KDM2B: variants seen among roughly 807,000 people sequenced by gnomAD.
The protein encoded by KDM2B is lysine-specific demethylase 2B.
A neutral mutation model predicts 150.0 loss-of-function variants in KDM2B; 26 were observed. The ratio of observed to expected loss-of-function variants is 0.17; its 90% confidence interval spans 0.13 to 0.24. The LOEUF is 0.24. KDM2B is among the 10% of genes least tolerant of loss of function. KDM2B has a pLI of 1.00. For missense variants in KDM2B, 1,265 were observed against 1,816.9 expected, an observed-to-expected ratio of 0.70 and a Z score of 5.52; for synonymous variants, 734 against 729.5, an observed-to-expected ratio of 1.01 and a Z score of -0.10.
At chr12:121,416,988 C>G in the KDM2B span, among the ~76,000 whole-genome samples, 60 of 152,334 alleles carry the variant, frequency 3.9e-4, no homozygotes, top group African/African-American at 1.2e-3. Flanking sequence ...TTAAGCTTCT[C>G]TAGTGGCAAG....
rs1876385065 is a variant in KDM2B at position 121,446,996 on chromosome 12, T to C, written c.1960-1578A>G. On this transcript the variant is annotated intron_variant, in intron 13 of 22. Coordinates refer to ENST00000377071, the MANE Select transcript of KDM2B (RefSeq NM_032590.5). ...CAAAGGTCAAGACAGGCTAATGATT[T>C]TCAATGTAACAGTGTGAACAGCTCA... 3.3e-5 allele frequency among the ~76,000 whole-genome samples: 5 copies of C among 152,234 alleles called. No individual in the cohort carries two copies. In the South Asian group the frequency reaches 1.0e-3, roughly 31 times the overall value.
intron 4 of KDM2B, among the ~76,000 whole-genome samples, chr12:121,569,344 G>A (rs781919121): frequency 6.6e-6 from 1 of 152,204 alleles, no homozygotes; most frequent in Non-Finnish European, 1.5e-5. Context: ...TGAGCTGGCA[G>A]GATAGACGCC....
chr12:121,543,052 A>G (rs1452693500), intron 6 of KDM2B, among the ~76,000 whole-genome samples: 2 of 152,230 alleles, frequency 1.3e-5, no homozygotes, highest in Non-Finnish European at 2.9e-5. Context: ...CTCAACTAAA[A>G]TAAAAATCAC....
chr12:121,471,903 CT>C (rs2139675524), intron 12 of KDM2B, among the ~76,000 whole-genome samples: 1 of 152,314 alleles, frequency 6.6e-6, no homozygotes, highest in East Asian at 1.9e-4. Flanking sequence ...GCGTGGATCA[CT>C]TGAGGTCAGG....
At chr12:121,446,140 A>T (rs1876142335) in intron 13 of KDM2B, among the ~76,000 whole-genome samples, 1 of 152,348 alleles carries the variant, frequency 6.6e-6, no homozygotes, top group East Asian at 1.9e-4. Flanking sequence ...TCACGCCTGT[A>T]ATCCCAGCAC....
intron 22 of KDM2B, among the ~76,000 whole-genome samples, chr12:121,437,073 G>A (rs1471625384): frequency 1.3e-5 from 2 of 151,976 alleles, no homozygotes; most frequent in Admixed American, 1.3e-4. Flanking sequence ...AGGAAGGAGG[G>A]TACCTAGGCC....
chr12:121,551,881 TGGGA>T (rs1472650997), intron 4 of KDM2B, among the ~76,000 whole-genome samples: 1 of 152,140 alleles, frequency 6.6e-6, no homozygotes, highest in Non-Finnish European at 1.5e-5. Context: ...TTGCCCAGGC[TGGGA>T]GACCACATTC....
intron 22 of KDM2B, among the ~76,000 whole-genome samples, chr12:121,437,088 C>CAG (rs1369662799): frequency 6.6e-6 from 1 of 152,008 alleles, no homozygotes; most frequent in African/African-American, 2.4e-5. Context: ...TAGGCCAAGA[C>CAG]AGAGACCAAA....
At chr12:121,466,829 G>T (rs1274834758) in intron 12 of KDM2B, among the ~76,000 whole-genome samples, 1 of 145,806 alleles carries the variant, frequency 6.9e-6, no homozygotes, top group Non-Finnish European at 1.5e-5. Flanking sequence ...CGCGCCCCGC[G>T]GCCGCCGGCA....
rs11612173 is a variant in KDM2B, at chr12:121,460,922, C to T, written c.1735-7578G>A. ...TCAATAATCTATGAGGAAGGAATTA[C>T]TATTATCTCCATCTACAAGTGAGGA... On this transcript the variant is annotated intron_variant, in intron 12 of 22. Coordinates refer to ENST00000377071, the MANE Select transcript of KDM2B (RefSeq NM_032590.5). Among the ~76,000 whole-genome samples, 345 of 152,264 alleles carry T rather than the reference C, an allele frequency of 2.3e-3. 3 individuals carry two copies. The highest frequency in any genetic ancestry group is 4.1e-3 in the Admixed American group (63 of 15,288).
chr12:121,529,030 T>C (rs1195867952), intron 8 of KDM2B, among the ~76,000 whole-genome samples: 4 of 151,988 alleles, frequency 2.6e-5, no homozygotes, highest in African/African-American at 9.7e-5. Flanking sequence ...GGAAAGGACA[T>C]AACAAAAAGG....
At chr12:121,547,684 C>T (rs1369143438) in intron 6 of KDM2B, among the ~76,000 whole-genome samples, 5 of 130,190 alleles carry the variant, frequency 3.8e-5, no homozygotes, top group Non-Finnish European at 7.8e-5. Flanking sequence ...GAGTCTCGCT[C>T]TGTCGCCCAG....
Position 121,549,043 on chromosome 12 carries a change from C to T in KDM2B, c.577-60G>A. The T allele has an allele frequency of 7.1e-7, 1 of 1,402,562 alleles. No individual in the cohort carries two copies. Among genetic ancestry groups the T allele is most frequent in the Non-Finnish European group, 1.0e-6 (1 of 990,610 alleles). 86.9% of individuals were successfully genotyped at this position (1,402,562 alleles called of 1,614,324 possible). A position where few individuals can be genotyped will look rare whatever the true frequency, so the allele number is the denominator to read the frequency against. ...CCACTGCCGAGCCAGACACAAATAC[C>T]CCTTTCCCCGGAGAGTCCTTGGGCC... On this transcript the variant is annotated intron_variant, in intron 5 of 22. Coordinates refer to ENST00000377071, the MANE Select transcript of KDM2B (RefSeq NM_032590.5). This position sits in a 1 kb window ranked among gnomAD's most constrained non-coding sequence, Gnocchi z 4.4.
the KDM2B span, chr12:121,423,551 G>A: frequency 6.2e-7 from 1 of 1,614,060 alleles, no homozygotes; most frequent in Non-Finnish European, 8.5e-7. This position sits in a 1 kb window ranked among gnomAD's most constrained non-coding sequence, Gnocchi z 4.3. Context: ...TATGTGGTGC[G>A]AGCCGTGCAC....
At chr12:121,558,935 C>T (rs1555313272) in intron 4 of KDM2B, among the ~76,000 whole-genome samples, 2 of 152,192 alleles carry the variant, frequency 1.3e-5, no homozygotes, top group African/African-American at 4.8e-5. Flanking sequence ...CATCGCCGCC[C>T]TCCCCAGCAC....
intron 12 of KDM2B, among the ~76,000 whole-genome samples, chr12:121,462,392 GA>G (rs1419312312): frequency 3.9e-5 from 6 of 152,132 alleles, no homozygotes; most frequent in Admixed American, 3.9e-4. Flanking sequence ...AGAATCTGAG[GA>G]AAGCTAAAGA....
In KDM2B at chr12:121,442,705, G is replaced by T; in HGVS notation, c.2736C>A (p.Ser912=). Reference sequence around the variant, plus strand: ...TGCTGGGTCCCGCGGTGGGGGAGCTGGAGCGGGAGTGGTCGCTCTCCCTGG... The same window carrying T: ...TGCTGGGTCCCGCGGTGGGGGAGCTTGAGCGGGAGTGGTCGCTCTCCCTGG... ...PKTRESDHSR[S]SSPTAGPSTE... The change falls in exon 19 of 23, where the codon TCC becomes TCA. Residue 912 remains serine (S), a synonymous_variant. Transcript: ENST00000377071. The surrounding 1 kb of genome is among the most constrained non-coding windows in gnomAD (Gnocchi z 7.7). The T allele has an allele frequency of 6.3e-7, 1 of 1,584,788 alleles. No individual in the cohort carries two copies. Among genetic ancestry groups the T allele is most frequent in the Admixed American group, 1.8e-5 (1 of 54,768 alleles).
intron 6 of KDM2B, among the ~76,000 whole-genome samples, chr12:121,539,051 G>C (rs1888388212): frequency 6.6e-6 from 1 of 152,114 alleles, no homozygotes; most frequent in African/African-American, 2.4e-5. Context: ...TGCAGGGGCA[G>C]ATTCCAGCCT....
intron 4 of KDM2B, among the ~76,000 whole-genome samples, chr12:121,561,102 A>G (rs1555313778): frequency 6.6e-6 from 1 of 152,182 alleles, no homozygotes; most frequent in African/African-American, 2.4e-5. Context: ...CACACATCCA[A>G]CAGGTTCCAG....
Sources: allele counts gnomAD v4.1 joint callset (sites outside exome capture counted in the v4.1 genomes callset), GRCh38; gene constraint gnomAD v4.1.1; non-coding constraint Gnocchi (gnomAD v3.1); transcripts MANE v1.5; gene names NCBI Gene and HGNC (gene_info 2026-07-23, HGNC 2026-07-21).